MS4A10: variants seen among roughly 807,000 people sequenced by gnomAD.
MS4A10 encodes membrane spanning 4-domains A10.
A neutral mutation model predicts 27.7 loss-of-function variants in MS4A10; 27 were observed. That is an observed-to-expected ratio of 0.98 (90% CI 0.72 to 1.35). The LOEUF (loss-of-function observed/expected upper bound fraction) is 1.35, where lower values mean the gene tolerates loss of function less well. MS4A10 is among the 40% of genes most tolerant of loss of function. MS4A10 has a pLI of 0.00. For missense variants in MS4A10, 338 were observed against 324.7 expected (o/e 1.04, Z -0.32); for synonymous variants, 139 against 131.2 (o/e 1.06, Z -0.41).
intron 4 of MS4A10, among the ~76,000 whole-genome samples, chr11:60,792,901 A>G (rs913331095): frequency 6.6e-6 from 1 of 151,848 alleles, no homozygotes; most frequent in Non-Finnish European, 1.5e-5. Flanking sequence ...TTCTCCCACA[A>G]CTCTGTGGAC....
At position 60,791,085 on chromosome 11, in the gene MS4A10, G is replaced by C; in HGVS notation, c.295G>C (p.Ala99Pro). Residue 99 changes from alanine to proline, a missense_variant, in exon 3 of 8, where the codon GCT becomes CCT. Ala to Pro is a conservative substitution (Grantham distance 27, BLOSUM62 -1). Coordinates refer to ENST00000308287, the MANE Select transcript of MS4A10 (RefSeq NM_206893.4). ...GAAGTCTTGGTATCCATTCTGGGGG[G>C]CTGCCTCTGTGAGTAGAAGGCAAAA... ...VLKSWYPFWG[A>P]ASFLISGILA... is the part of the protein sequence containing the mutation. 3.1e-6 allele frequency: 5 copies of C among 1,614,008 alleles called. No individual in the cohort carries two copies. The highest frequency in any genetic ancestry group is 4.2e-6 in the Non-Finnish European group (5 of 1,179,964).
At chr11:60,787,663 C>T (rs186189399) in intron 1 of MS4A10, among the ~76,000 whole-genome samples, 1 of 152,192 alleles carries the variant, frequency 6.6e-6, no homozygotes, top group East Asian at 1.9e-4. Context: ...GGCCACTTTG[C>T]CCAAAAGCAG....
intron 1 of MS4A10, among the ~76,000 whole-genome samples, chr11:60,788,961 C>CGTTT (rs1854382162): frequency 6.6e-6 from 1 of 152,230 alleles, no homozygotes; most frequent in Non-Finnish European, 1.5e-5. Flanking sequence ...CCAGGCAAAA[C>CGTTT]TGCCTCCTGG....
Position 60,800,911 on chromosome 11 carries a change from A to C in MS4A10, c.*1002A>C, listed in dbSNP as rs1339101295. 5 of 149,488 alleles carry C rather than the reference A, an allele frequency of 3.3e-5. No individual in the cohort carries two copies. Among genetic ancestry groups the C allele is most frequent in the Non-Finnish European group, 7.4e-5 (5 of 67,762 alleles). The allele number at this position is 149,488 out of a possible 1,614,324, so 9.3% of individuals were successfully genotyped here. A position where few individuals can be genotyped will look rare whatever the true frequency, so the allele number is the denominator to read the frequency against. On this transcript the variant is annotated 3_prime_UTR_variant, in exon 8 of 8. Transcript: ENST00000308287. ...CGAGTTCAAGCAATTCTCCTGCCTCAGCCTCCCGAGTAGCTGGGATTACAG... is the reference window on the plus strand; with the variant it reads ...CGAGTTCAAGCAATTCTCCTGCCTCCGCCTCCCGAGTAGCTGGGATTACAG...
intron 1 of MS4A10, among the ~76,000 whole-genome samples, chr11:60,787,721 A>C (rs944772117): frequency 6.6e-5 from 10 of 152,196 alleles, no homozygotes; most frequent in Non-Finnish European, 1.3e-4. Context: ...ATGAGAAAAA[A>C]AAGATCCTAT....
chr11:60,789,397 C>T lies in MS4A10; in HGVS notation c.-22-917C>T, dbSNP rs543698178. On this transcript the variant is annotated intron_variant, in intron 1 of 7. Coordinates refer to ENST00000308287, the MANE Select transcript of MS4A10 (RefSeq NM_206893.4). Reference sequence around the variant, plus strand: ...TTTTCTCACCAAGTCCCAGGCAGCCCCCAAGCCCTAGTGCATCCCACGGCG... The same window carrying T: ...TTTTCTCACCAAGTCCCAGGCAGCCTCCAAGCCCTAGTGCATCCCACGGCG... 8.5e-5 allele frequency among the ~76,000 whole-genome samples: 13 copies of T among 152,336 alleles called. 1 individual carries two copies. The East Asian group carries it at 2.5e-3, about 29-fold the overall frequency.
At chr11:60,788,034 A>G (rs1854369012) in intron 1 of MS4A10, among the ~76,000 whole-genome samples, 2 of 144,170 alleles carry the variant, frequency 1.4e-5, no homozygotes, top group South Asian at 4.6e-4. Flanking sequence ...AGAAATAAAT[A>G]AATAAATAAA....
intron 6 of MS4A10, 71 bp from the exon 7 acceptor site, chr11:60,798,325 G>C: frequency 1.7e-6 from 2 of 1,175,994 alleles, no homozygotes; most frequent in East Asian, 4.7e-5. Flanking sequence ...TGAACTAGCA[G>C]AGAAGTGTTT....
chr11:60,793,458 C>T (rs1245564394), intron 4 of MS4A10, among the ~76,000 whole-genome samples: 3 of 152,124 alleles, frequency 2.0e-5, no homozygotes, highest in South Asian at 2.1e-4. Context: ...ATGCTTAACC[C>T]GAGAGGACGA....
intron 1 of MS4A10, among the ~76,000 whole-genome samples, chr11:60,788,947 G>A (rs2134748460): frequency 6.6e-6 from 1 of 152,324 alleles, no homozygotes; most frequent in African/African-American, 2.4e-5. Flanking sequence ...ATTAAGGGAG[G>A]TTGCCAGGCA....
Position 60,799,770 on chromosome 11 carries a change from T to A in MS4A10, c.723-58T>A, listed in dbSNP as rs140416962. On this transcript the variant is annotated intron_variant, in intron 7 of 7. Coordinates refer to ENST00000308287, the MANE Select transcript of MS4A10 (RefSeq NM_206893.4). ...GCTATTTAATCTCAATGTCATTTAA[T>A]CCTCCCATCGATCTGTGACCTAGCT... The A allele has an allele frequency of 1.7e-3, 1,401 of 805,492 alleles. 11 individuals are homozygous for A. In the African/African-American group the frequency reaches 0.02, roughly 12 times the overall value. 49.9% of individuals were successfully genotyped at this position (805,492 alleles called of 1,614,324 possible).
chr11:60,800,259 TC>T lies in MS4A10; in HGVS notation c.*352del. ...TCCGCCTCCCTGGTTCAAGTGATTC[TC>T]CTATCTCAGCCTCCCAAGTAGCTGG... On this transcript the variant is annotated 3_prime_UTR_variant, in exon 8 of 8. Coordinates refer to ENST00000308287, the MANE Select transcript of MS4A10 (RefSeq NM_206893.4). 1 of 230,498 alleles carries T rather than the reference TC, an allele frequency of 4.3e-6. No individual in the cohort carries two copies. The highest frequency in any genetic ancestry group is 8.6e-6 in the Non-Finnish European group (1 of 116,936). 14.3% of individuals were successfully genotyped at this position (230,498 alleles called of 1,614,324 possible).
At chr11:60,789,587 C>G (rs1032741506) in intron 1 of MS4A10, among the ~76,000 whole-genome samples, 4 of 152,216 alleles carry the variant, frequency 2.6e-5, no homozygotes, top group African/African-American at 9.6e-5. Context: ...CTGGAGCCAG[C>G]CTGCCATGCT....
At chr11:60,791,314 G>C (rs966603029) in intron 3 of MS4A10, among the ~76,000 whole-genome samples, 2 of 152,228 alleles carry the variant, frequency 1.3e-5, no homozygotes, top group Non-Finnish European at 2.9e-5. Context: ...AGTCCCAAGA[G>C]AGCACTTGGA....
At chr11:60,796,718 C>A (rs570788613) in intron 6 of MS4A10, among the ~76,000 whole-genome samples, 1 of 152,154 alleles carries the variant, frequency 6.6e-6, no homozygotes, top group African/African-American at 2.4e-5. Flanking sequence ...TATGTCCAAC[C>A]CACAGTCTTG....
At chr11:60,789,479 CT>C (rs1332577839) in intron 1 of MS4A10, among the ~76,000 whole-genome samples, 1 of 152,204 alleles carries the variant, frequency 6.6e-6, no homozygotes, top group Admixed American at 6.5e-5. Flanking sequence ...CCCCTTCTAA[CT>C]TTTTTCCCCA....
intron 7 of MS4A10, 118 bp downstream of exon 7, chr11:60,798,632 C>A (rs757627222): frequency 1.3e-6 from 1 of 764,480 alleles, no homozygotes; most frequent in Non-Finnish European, 2.2e-6. Flanking sequence ...GCTAACAGTG[C>A]TGCAGCTAGA....
Position 60,800,047 on chromosome 11 carries a change from C to T in MS4A10, c.*138C>T. The T allele has an allele frequency of 1.6e-6, 2 of 1,288,080 alleles. No homozygotes were observed. The highest frequency in any genetic ancestry group is 2.1e-6 in the Non-Finnish European group (2 of 941,436). The allele number at this position is 1,288,080 out of a possible 1,614,324, so 79.8% of individuals were successfully genotyped here. ...GTCTATACAGCAAAGTCAGCCCTCA[C>T]AGCTCCTGGGAACGCTGTCCTCTCA... On this transcript the variant is annotated 3_prime_UTR_variant, in exon 8 of 8. Transcript: ENST00000308287.
rs368941906 is a variant in MS4A10 at position 60,790,936 on chromosome 11, G to A, written c.184-38G>A. 3.0e-4 allele frequency: 484 copies of A among 1,611,508 alleles called. 1 individual carries two copies. The highest frequency in any genetic ancestry group is 3.4e-4 in the Non-Finnish European group (406 of 1,178,770). ...GTGGCCTCAATTAGAGCCAGTGACC[G>A]ATGCCCTCACCCCAGCCATTCTCTC... On this transcript the variant is annotated intron_variant, in intron 2 of 7. Transcript: ENST00000308287.
Sources: allele counts gnomAD v4.1 joint callset (sites outside exome capture counted in the v4.1 genomes callset), GRCh38; gene constraint gnomAD v4.1.1; transcripts MANE v1.5; gene names NCBI Gene and HGNC (gene_info 2026-07-23, HGNC 2026-07-21).